The following WWP2 variants were observed in gnomAD, a reference collection of about 807,000 sequenced individuals.
WWP2 encodes WW domain containing E3 ubiquitin protein ligase 2.
In WWP2, 57 loss-of-function variants were observed where a neutral mutation model predicts 121.0. That is an observed-to-expected ratio of 0.47 (90% CI 0.38 to 0.59). WWP2 has a LOEUF of 0.59. WWP2 is among the 20% of genes least tolerant of loss of function. The pLI is 0.00. For synonymous variants in WWP2, 449 were observed against 441.3 expected, an observed-to-expected ratio of 1.02 and a Z score of -0.22; for missense variants, 962 against 1,158.9, an observed-to-expected ratio of 0.83 and a Z score of 2.47.
At chr16:69,794,134 T>C (rs1020622010) in intron 2 of WWP2, among the ~76,000 whole-genome samples, 4 of 152,072 alleles carry the variant, frequency 2.6e-5, no homozygotes, top group Non-Finnish European at 5.9e-5. Context: ...GCCAGGCTGG[T>C]TTCAAACTCC....
At chr16:69,764,678 CTCTG>C (rs2038690513) in intron 1 of WWP2, among the ~76,000 whole-genome samples, 1 of 152,206 alleles carries the variant, frequency 6.6e-6, no homozygotes, top group Admixed American at 6.5e-5. Context: ...TAAGTACCCA[CTCTG>C]TCTTTGCCAG....
intron 4 of WWP2, among the ~76,000 whole-genome samples, chr16:69,830,106 C>T (rs897866294): frequency 2.0e-5 from 3 of 152,198 alleles, no homozygotes; most frequent in African/African-American, 7.2e-5. Flanking sequence ...AGGCACATGC[C>T]ACCATGCCTG....
intron 4 of WWP2, chr16:69,827,898 CT>C (rs754867307): frequency 2.2e-6 from 1 of 455,808 alleles, no homozygotes; most frequent in South Asian, 1.5e-5. Flanking sequence ...CCCCAGGTAC[CT>C]TTTAAAAAAT....
chr16:69,816,109 C>T (rs551440580), intron 4 of WWP2, among the ~76,000 whole-genome samples: 1 of 152,254 alleles, frequency 6.6e-6, no homozygotes, highest in South Asian at 2.1e-4. Context: ...CCCAGTCCTG[C>T]ATACCCAGTT....
intron 7 of WWP2, among the ~76,000 whole-genome samples, chr16:69,879,164 A>G (rs982997457): frequency 2.0e-5 from 3 of 152,184 alleles, no homozygotes; most frequent in African/African-American, 7.2e-5. Flanking sequence ...TTAGAGGTTT[A>G]TATAAGTTCT....
At chr16:69,908,942 G>A (rs1381386593) in intron 9 of WWP2, 92 bp downstream of exon 9, 4 of 1,589,948 alleles carry the variant, frequency 2.5e-6, no homozygotes, top group Non-Finnish European at 3.4e-6. Flanking sequence ...TGCGGAGGTA[G>A]CATAGCACAG....
chr16:69,930,986 A>C (rs1417598526), intron 13 of WWP2, among the ~76,000 whole-genome samples, 166 bp from the exon 14 acceptor site: 1 of 152,216 alleles, frequency 6.6e-6, no homozygotes, highest in African/African-American at 2.4e-5. Context: ...CTTTATTTCT[A>C]GATTTTCTTT....
intron 16 of WWP2, 104 bp from the exon 17 acceptor site, chr16:69,933,866 G>A (rs1275415680): frequency 1.5e-6 from 2 of 1,360,666 alleles, no homozygotes; most frequent in Admixed American, 1.9e-5. Flanking sequence ...TGGGACACGT[G>A]TCCCCATACT....
Position 69,930,119 on chromosome 16 carries a change from C to CGT in WWP2, c.1317-8_1317-7dup. ...GGCCAGCCCTTCACCCTTTTCTTCC[C>CGT]GTGTTTCCAGGATGATCCAGGAACC... On this transcript the variant is annotated splice_polypyrimidine_tract_variant and intron_variant, in intron 12 of 23. Coordinates refer to ENST00000359154, the MANE Select transcript of WWP2 (RefSeq NM_001270454.2). The CGT allele has an allele frequency of 6.2e-7, 1 of 1,613,780 alleles. No individual in the cohort carries two copies. The highest frequency in any genetic ancestry group is 8.5e-7 in the Non-Finnish European group (1 of 1,179,846).
intron 2 of WWP2, among the ~76,000 whole-genome samples, chr16:69,789,580 A>G (rs1380741311): frequency 6.6e-6 from 1 of 152,146 alleles, no homozygotes. Context: ...TCCTTGGAAA[A>G]AACCAGTATT....
At chr16:69,887,850 C>T (rs1199927525) in intron 7 of WWP2, among the ~76,000 whole-genome samples, 189 bp from the exon 8 acceptor site, 2 of 152,130 alleles carry the variant, frequency 1.3e-5, no homozygotes, top group Non-Finnish European at 2.9e-5. Context: ...ATCCTGATTT[C>T]CTTTGGACAG....
intron 6 of WWP2, among the ~76,000 whole-genome samples, chr16:69,860,872 A>G (rs1309689127): frequency 6.6e-6 from 1 of 151,928 alleles, no homozygotes; most frequent in East Asian, 1.9e-4. Flanking sequence ...AGAACACTCT[A>G]ATATACTGTA....
intron 8 of WWP2, among the ~76,000 whole-genome samples, chr16:69,902,252 TG>T (rs1413258086): frequency 6.6e-6 from 1 of 152,170 alleles, no homozygotes; most frequent in East Asian, 1.9e-4. Context: ...AATAATGAGA[TG>T]GAGATGTTTA....
At chr16:69,853,249 T>G (rs1368204874) in intron 6 of WWP2, among the ~76,000 whole-genome samples, 2 of 152,218 alleles carry the variant, frequency 1.3e-5, no homozygotes, top group Non-Finnish European at 2.9e-5. Context: ...TAAAAGTCAC[T>G]GGATGGGCTG....
chr16:69,885,135 ACACACATTC>A (rs1296843291), intron 7 of WWP2, among the ~76,000 whole-genome samples: 1 of 150,712 alleles, frequency 6.6e-6, no homozygotes, highest in Non-Finnish European at 1.5e-5. Context: ...ACACACACAC[ACACACATTC>A]TTCTTCTTTA....
chr16:69,795,259 T>C (rs13337996), intron 2 of WWP2, among the ~76,000 whole-genome samples: 1,257 of 93,098 alleles, frequency 0.014, 30 homozygotes, highest in African/African-American at 0.032. Flanking sequence ...AAAATGCGGA[T>C]ACACACACAC....
chr16:69,928,056 G>C (rs535877130), intron 11 of WWP2, among the ~76,000 whole-genome samples: 1 of 152,310 alleles, frequency 6.6e-6, no homozygotes, highest in East Asian at 1.9e-4. Flanking sequence ...TCGAGTCATA[G>C]ATACCAGGTA....
At chr16:69,854,261 A>AAGACC (rs2057270698) in intron 6 of WWP2, among the ~76,000 whole-genome samples, 1 of 152,214 alleles carries the variant, frequency 6.6e-6, no homozygotes, top group African/African-American at 2.4e-5. Context: ...GTGCTGATGG[A>AAGACC]AGACCAGAAC....
In WWP2 at chr16:69,831,143, CTT is replaced by C. The variant is rs563674323; in HGVS notation, c.341-8982_341-8981del. 2.2e-3 allele frequency among the ~76,000 whole-genome samples: 337 copies of C among 152,298 alleles called. 2 individuals carry two copies. The highest frequency in any genetic ancestry group is 5.6e-3 in the South Asian group (27 of 4,830). ...ACATCTTCATCGGGCTTCAGAGACT[CTT>C]AATCCTGGCGTCCTTGGCCTCCCTT... On this transcript the variant is annotated intron_variant, in intron 4 of 23. Coordinates refer to ENST00000359154, the MANE Select transcript of WWP2 (RefSeq NM_001270454.2).
Sources: gnomAD v4.1 joint callset for allele counts (sites outside exome capture counted in the v4.1 genomes callset) on GRCh38, gnomAD v4.1.1 for gene constraint, MANE v1.5 for transcripts, NCBI Gene and HGNC (gene_info 2026-07-23, HGNC 2026-07-21) for gene names.